The following PIEZO2 variants were observed in gnomAD, a reference collection of about 807,000 sequenced individuals.
PIEZO2 encodes the protein piezo-type mechanosensitive ion channel component 2.
In PIEZO2, 172 loss-of-function variants were observed where a neutral mutation model predicts 337.3. The ratio of observed to expected loss-of-function variants is 0.51; its 90% confidence interval spans 0.45 to 0.58. The LOEUF (loss-of-function observed/expected upper bound fraction) is 0.58. PIEZO2 is among the 20% of genes least tolerant of loss of function. The pLI is 0.00. For synonymous variants in PIEZO2, 1,251 were observed against 1,228.5 expected (o/e 1.02, Z -0.38); for missense variants, 3,028 against 3,391.3 (o/e 0.89, Z 2.66).
Position 10,705,550 on chromosome 18 carries a change from T to C in PIEZO2, c.5785A>G (p.Thr1929Ala), listed in dbSNP as rs1344161017. The C allele has an allele frequency of 6.5e-7, 1 of 1,537,262 alleles. No homozygotes were observed. The highest frequency in any genetic ancestry group is 8.7e-7 in the Non-Finnish European group (1 of 1,146,902). Reference protein sequence around the residue: ...EASLTPEEELTQFSTLDGDVE... With the variant: ...EASLTPEEELAQFSTLDGDVE... Reference sequence around the variant, plus strand: ...TCCCCGTCCAAGGTGGAGAACTGTGTCAGCTCTTCCTCTGGGGTGAGGCTG... The same window carrying C: ...TCCCCGTCCAAGGTGGAGAACTGTGCCAGCTCTTCCTCTGGGGTGAGGCTG... The change falls in exon 41 of 56, where the codon ACA (threonine) becomes GCA (alanine). Residue 1929 changes from threonine (T) to alanine (A), a missense_variant. This residue lies in a region of PIEZO2 where 1,925 missense variants were observed against 2,051.9 expected (regional missense o/e 0.94). Transcript: ENST00000674853.
At position 10,795,669 on chromosome 18, in the gene PIEZO2, T is replaced by C. The variant is rs2039572308; in HGVS notation, c.1528-667A>G. On this transcript the variant is annotated intron_variant, in intron 12 of 55. Transcript: ENST00000674853. This position sits in a 1 kb window ranked among gnomAD's most constrained non-coding sequence, Gnocchi z 4.4. ...TCCTCTCACATGTGGCTGTGTTCCT[T>C]ACTGGAAACTGAAGTTGAGCATACA... Among the ~76,000 whole-genome samples, 1 of 152,110 alleles carries C rather than the reference T, an allele frequency of 6.6e-6. No individual in the cohort carries two copies. The highest frequency in any genetic ancestry group is 1.5e-5 in the Non-Finnish European group (1 of 68,032).
chr18:10,970,409 G>A (rs948697062), intron 3 of PIEZO2, among the ~76,000 whole-genome samples: 4 of 152,162 alleles, frequency 2.6e-5, no homozygotes, highest in Admixed American at 2.6e-4. Flanking sequence ...GCATGCACAC[G>A]GGTGCCCAGG....
chr18:11,061,371 C>T (rs1359784416), intron 2 of PIEZO2, among the ~76,000 whole-genome samples: 1 of 150,534 alleles, frequency 6.6e-6, no homozygotes, highest in African/African-American at 2.4e-5. Context: ...TCTCTCACCA[C>T]TCCTATTCAA....
chr18:10,823,719 A>G (rs187426296), intron 7 of PIEZO2, among the ~76,000 whole-genome samples: 1 of 152,206 alleles, frequency 6.6e-6, no homozygotes, highest in African/African-American at 2.4e-5. Context: ...AGCAATACAA[A>G]GCTAGTCTTT....
At chr18:10,990,201 C>T (rs960026564) in intron 2 of PIEZO2, among the ~76,000 whole-genome samples, 3 of 151,928 alleles carry the variant, frequency 2.0e-5, no homozygotes, top group Non-Finnish European at 4.4e-5. Flanking sequence ...GGAGACATAA[C>T]ACAAAATCAT....
intron 1 of PIEZO2, 63 bp from the exon 2 acceptor site, chr18:11,066,285 G>C (rs1041603838): frequency 6.1e-6 from 8 of 1,306,220 alleles, no homozygotes; most frequent in Non-Finnish European, 8.5e-6. Flanking sequence ...GACAAAACCA[G>C]GGGTGCATAA....
intron 2 of PIEZO2, among the ~76,000 whole-genome samples, chr18:10,986,898 A>G (rs1417916455): frequency 6.6e-6 from 1 of 152,056 alleles, no homozygotes; most frequent in Non-Finnish European, 1.5e-5. Flanking sequence ...TATAAAAATC[A>G]ACTGTGTTTC....
At chr18:11,144,789 C>G (rs960315768) in intron 1 of PIEZO2, among the ~76,000 whole-genome samples, 7 of 152,176 alleles carry the variant, frequency 4.6e-5, no homozygotes, top group Non-Finnish European at 8.8e-5. Flanking sequence ...GACGGGCAGC[C>G]ATGATCTCTA....
rs2033764951 is a variant in PIEZO2, at chr18:10,671,367, G to A, written c.*160C>T. 1 of 707,772 alleles carries A rather than the reference G, an allele frequency of 1.4e-6. No individual in the cohort carries two copies. The highest frequency in any genetic ancestry group is 2.2e-6 in the Non-Finnish European group (1 of 456,152). The allele number at this position is 707,772 out of a possible 1,614,324, so 43.8% of individuals were successfully genotyped here. A position where few individuals can be genotyped will look rare whatever the true frequency, so the allele number is the denominator to read the frequency against. ...TTTCAACAGTGCCTTAACTTGCAAGGTAGCTTTTACTGCAGAAGGATATCA... is the reference window on the plus strand; with the variant it reads ...TTTCAACAGTGCCTTAACTTGCAAGATAGCTTTTACTGCAGAAGGATATCA... On this transcript the variant is annotated 3_prime_UTR_variant, in exon 56 of 56. Coordinates refer to ENST00000674853, the MANE Select transcript of PIEZO2 (RefSeq NM_001378183.1).
At chr18:10,889,355 C>A (rs778117312) in intron 4 of PIEZO2, among the ~76,000 whole-genome samples, 32 of 152,172 alleles carry the variant, frequency 2.1e-4, no homozygotes, top group Non-Finnish European at 4.0e-4. Flanking sequence ...GTTAAGCTAC[C>A]TTGAGAAATC....
chr18:11,118,467 A>C (rs1002567587), intron 1 of PIEZO2, among the ~76,000 whole-genome samples: 1 of 152,242 alleles, frequency 6.6e-6, no homozygotes, highest in African/African-American at 2.4e-5. Flanking sequence ...CAGCATCAGA[A>C]CATTATAGAA....
At chr18:11,106,491 G>A (rs975827985) in intron 1 of PIEZO2, among the ~76,000 whole-genome samples, 4 of 142,826 alleles carry the variant, frequency 2.8e-5, no homozygotes, top group Admixed American at 7.2e-5. Context: ...CATTGTAACC[G>A]TGAACTCCTG....
chr18:11,086,300 CATG>C (rs1436996799), intron 1 of PIEZO2, among the ~76,000 whole-genome samples: 1 of 152,006 alleles, frequency 6.6e-6, no homozygotes, highest in East Asian at 1.9e-4. Context: ...GCAGGCAGAT[CATG>C]AGGTCAGGAG....
intron 1 of PIEZO2, among the ~76,000 whole-genome samples, chr18:11,103,245 A>C (rs146411082): frequency 3.3e-5 from 5 of 152,332 alleles, no homozygotes; most frequent in Admixed American, 3.3e-4. Context: ...TAAACAACTT[A>C]TACAATAATT....
Position 10,789,473 on chromosome 18 carries a change from G to A in PIEZO2, c.1883-108C>T, listed in dbSNP as rs77566793. On this transcript the variant is annotated intron_variant, in intron 14 of 55. Transcript: ENST00000674853. ...AGAGGCATGCATTTTCTAAGTTATTGTATAATTTGGATGATTTTAGACTAT... is the reference window on the plus strand; with the variant it reads ...AGAGGCATGCATTTTCTAAGTTATTATATAATTTGGATGATTTTAGACTAT... 6.1e-5 allele frequency: 78 copies of A among 1,282,474 alleles called. No homozygotes were observed. In the African/African-American group the frequency reaches 1.1e-3, roughly 18 times the overall value. The allele number at this position is 1,282,474 out of a possible 1,614,324, so 79.4% of individuals were successfully genotyped here.
intron 9 of PIEZO2, among the ~76,000 whole-genome samples, chr18:10,802,452 C>T (rs1489399310): frequency 6.6e-6 from 1 of 151,898 alleles, no homozygotes; most frequent in Non-Finnish European, 1.5e-5. Context: ...TTAAAAAAAC[C>T]CATTGTGTGT....
chr18:10,763,597 G>A (rs2038230252), intron 21 of PIEZO2, among the ~76,000 whole-genome samples: 1 of 152,198 alleles, frequency 6.6e-6, no homozygotes. Context: ...GCAACAGGAG[G>A]TGAGGCTGGA....
Position 10,824,989 on chromosome 18 carries a change from G to A in PIEZO2, c.918-17715C>T, listed in dbSNP as rs998072081. ...AGTGATTCTCCTGCCTCAGCCTCCC[G>A]AGTAGCTGGGACTACAGGAACCCGC... On this transcript the variant is annotated intron_variant, in intron 7 of 55. Coordinates refer to ENST00000674853, the MANE Select transcript of PIEZO2 (RefSeq NM_001378183.1). This position sits in a 1 kb window ranked among gnomAD's most constrained non-coding sequence, Gnocchi z 4.4. 2.6e-5 allele frequency among the ~76,000 whole-genome samples: 4 copies of A among 151,728 alleles called. No homozygotes were observed. The highest frequency in any genetic ancestry group is 2.9e-5 in the Non-Finnish European group (2 of 67,922).
chr18:10,868,252 A>T (rs1215746790), intron 5 of PIEZO2, among the ~76,000 whole-genome samples: 1 of 152,250 alleles, frequency 6.6e-6, no homozygotes, highest in African/African-American at 2.4e-5. Context: ...ATGCCAGCAA[A>T]CACTGTTCTT....
Sources: allele counts gnomAD v4.1 joint callset (sites outside exome capture counted in the v4.1 genomes callset), GRCh38; gene constraint gnomAD v4.1.1; regional missense constraint gnomAD v4.1.1; non-coding constraint Gnocchi (gnomAD v3.1); transcripts MANE v1.5; gene names NCBI Gene and HGNC (gene_info 2026-07-23, HGNC 2026-07-21).